Variants in CSNK1G2 observed in about 807,000 individuals in gnomAD.
CSNK1G2 encodes the protein casein kinase I isoform gamma-2.
CSNK1G2 carries 11 observed loss-of-function variants against 48.0 expected under a neutral mutation model. That is an observed-to-expected ratio of 0.23 (90% CI 0.14 to 0.38). The LOEUF (loss-of-function observed/expected upper bound fraction) is 0.38, where lower values mean the gene tolerates loss of function less well. CSNK1G2 is among the 10% of genes least tolerant of loss of function. CSNK1G2 has a pLI of 1.00. For synonymous variants in CSNK1G2, 337 were observed against 254.1 expected (o/e 1.33, Z -3.10); for missense variants, 446 against 595.5 (o/e 0.75, Z 2.61).
At chr19:1,966,762 C>T (rs975919555) in intron 1 of CSNK1G2, among the ~76,000 whole-genome samples, 2 of 152,172 alleles carry the variant, frequency 1.3e-5, no homozygotes, top group Non-Finnish European at 2.9e-5. Context: ...AGCCACCGCC[C>T]CAACGAGTCA....
In CSNK1G2 at chr19:1,946,108, G is replaced by A. The variant is rs115265932; in HGVS notation, c.-266+4690G>A. Among the ~76,000 whole-genome samples, 1,123 of 152,126 alleles carry A rather than the reference G, an allele frequency of 7.4e-3. 8 individuals are homozygous for A. Among genetic ancestry groups the A allele is most frequent in the African/African-American group, 0.026 (1,090 of 41,488 alleles). ...GAAGTGCATCCCGTGGCCTATCCCG[G>A]GGAGGTCACTCCCATTCCATACCTG... On this transcript the variant is annotated intron_variant, in intron 1 of 11. Transcript: ENST00000255641.
At chr19:1,955,181 G>A (rs1230071891) in intron 1 of CSNK1G2, among the ~76,000 whole-genome samples, 2 of 152,164 alleles carry the variant, frequency 1.3e-5, no homozygotes, top group Non-Finnish European at 2.9e-5. Context: ...GCCCTCGGAA[G>A]CTGCTGAGTC....
chr19:1,962,275 G>A (rs2015223611), intron 1 of CSNK1G2, among the ~76,000 whole-genome samples: 1 of 151,214 alleles, frequency 6.6e-6, no homozygotes, highest in Non-Finnish European at 1.5e-5. Flanking sequence ...AGGTTACAGT[G>A]AGTCGAGTTC....
Position 1,978,160 on chromosome 19 carries a change from C to T in CSNK1G2, c.188-145C>T. On this transcript the variant is annotated intron_variant, in intron 2 of 11. Transcript: ENST00000255641. This position sits in a 1 kb window ranked among gnomAD's most constrained non-coding sequence, Gnocchi z 7.3. ...TGGTGCAGTGCTCTGGCAGGCTGGG[C>T]CCAGGCCCTGCTGCTGGGCAGTGGT... The T allele has an allele frequency of 1.2e-6, 1 of 831,904 alleles. No homozygotes were observed. The highest frequency in any genetic ancestry group is 2.0e-6 in the Non-Finnish European group (1 of 498,284). 51.5% of individuals were successfully genotyped at this position (831,904 alleles called of 1,614,324 possible). A position where few individuals can be genotyped will look rare whatever the true frequency, so the allele number is the denominator to read the frequency against.
At chr19:1,979,114 G>T (rs773593161) in intron 6 of CSNK1G2, 21 bp downstream of exon 6, 2 of 1,582,358 alleles carry the variant, frequency 1.3e-6, no homozygotes, top group Non-Finnish European at 8.6e-7. Flanking sequence ...CGCGCGCGGC[G>T]GGGGGCGGGC....
chr19:1,953,190 G>T (rs2014842132), intron 1 of CSNK1G2, among the ~76,000 whole-genome samples: 1 of 152,160 alleles, frequency 6.6e-6, no homozygotes, highest in Non-Finnish European at 1.5e-5. Flanking sequence ...TCCTGGTGGG[G>T]TGCCTGACTC....
At chr19:1,960,302 C>T (rs777797858) in intron 1 of CSNK1G2, among the ~76,000 whole-genome samples, 1 of 152,240 alleles carries the variant, frequency 6.6e-6, no homozygotes, top group Non-Finnish European at 1.5e-5. Context: ...ACGCAGTCCC[C>T]TGAGATGGCC....
At chr19:1,974,332 G>A (rs938656471) in intron 2 of CSNK1G2, among the ~76,000 whole-genome samples, 1 of 152,138 alleles carries the variant, frequency 6.6e-6, no homozygotes, top group African/African-American at 2.4e-5. Flanking sequence ...GGCACAGACC[G>A]GAGGGGGCTG....
intron 1 of CSNK1G2, among the ~76,000 whole-genome samples, chr19:1,963,235 ATTCTTT>A (rs1262169710): frequency 6.6e-6 from 1 of 151,848 alleles, no homozygotes; most frequent in Admixed American, 6.6e-5. Context: ...TAGCCCATTG[ATTCTTT>A]TTGTTTGTTT....
At chr19:1,951,007 C>A (rs1176393158) in intron 1 of CSNK1G2, among the ~76,000 whole-genome samples, 1 of 145,922 alleles carries the variant, frequency 6.9e-6, no homozygotes, top group Admixed American at 6.9e-5. Context: ...GCTGGCCAGG[C>A]GGGTGGTCTG....
chr19:1,950,288 C>G (rs140566047), intron 1 of CSNK1G2, among the ~76,000 whole-genome samples: 3,967 of 151,378 alleles, frequency 0.026, 111 homozygotes, highest in African/African-American at 0.064. Flanking sequence ...TACAGGCACC[C>G]GCCACCACAC....
intron 2 of CSNK1G2, among the ~76,000 whole-genome samples, chr19:1,974,470 C>T (rs1237533973): frequency 1.3e-5 from 2 of 152,196 alleles, no homozygotes; most frequent in Non-Finnish European, 2.9e-5. Flanking sequence ...GGACCAGGTT[C>T]CCAACACATG....
intron 2 of CSNK1G2, chr19:1,975,671 T>A: frequency 1.0e-6 from 1 of 985,100 alleles, no homozygotes. Flanking sequence ...GGACTGAACC[T>A]GCAGCTGATT....
intron 2 of CSNK1G2, among the ~76,000 whole-genome samples, chr19:1,972,567 A>C (rs1335202677): frequency 2.6e-5 from 4 of 152,180 alleles, no homozygotes; most frequent in Non-Finnish European, 5.9e-5. Context: ...TTAACTTTGG[A>C]AAAATGTGAG....
At chr19:1,976,129 C>T (rs1396949863) in intron 2 of CSNK1G2, 1 of 1,285,870 alleles carries the variant, frequency 7.8e-7, no homozygotes, top group Admixed American at 2.3e-5. Context: ...AGTTCTGGGG[C>T]CTCGGCAATG....
At chr19:1,942,989 C>T (rs2014425446) in intron 1 of CSNK1G2, among the ~76,000 whole-genome samples, 1 of 152,140 alleles carries the variant, frequency 6.6e-6, no homozygotes, top group African/African-American at 2.4e-5. Context: ...TTTGCTCAGC[C>T]CCCCACAGTG....
rs964919899 is a variant in CSNK1G2 at position 1,946,583 on chromosome 19, G to T, written c.-266+5165G>T. ...TGGGATTACAGGCGTGAGCCACCGCGCCCGGCTATTTATTTATTTATTTAT... is the reference window on the plus strand; with the variant it reads ...TGGGATTACAGGCGTGAGCCACCGCTCCCGGCTATTTATTTATTTATTTAT... On this transcript the variant is annotated intron_variant, in intron 1 of 11. Transcript: ENST00000255641. Among the ~76,000 whole-genome samples, 45 of 146,852 alleles carry T rather than the reference G, an allele frequency of 3.1e-4. No homozygotes were observed. In the East Asian group the frequency reaches 8.1e-3, roughly 26 times the overall value.
chr19:1,955,557 G>A (rs960161971), intron 1 of CSNK1G2, among the ~76,000 whole-genome samples: 2 of 152,078 alleles, frequency 1.3e-5, no homozygotes, highest in Admixed American at 6.5e-5. Flanking sequence ...GCGAGGCTCC[G>A]CGAGTCGGGG....
At chr19:1,976,203 A>T in intron 2 of CSNK1G2, 2 of 892,142 alleles carry the variant, frequency 2.2e-6, no homozygotes, top group Non-Finnish European at 3.2e-6. Context: ...ATAACGTGTT[A>T]CACTGGGGAG....
Sources: gnomAD v4.1 joint callset for allele counts (sites outside exome capture counted in the v4.1 genomes callset) on GRCh38, gnomAD v4.1.1 for gene constraint, Gnocchi (gnomAD v3.1) non-coding constraint, MANE v1.5 for transcripts, NCBI Gene and HGNC (gene_info 2026-07-23, HGNC 2026-07-21) for gene names.